The following ATAD2B variants were observed in gnomAD, a reference collection of about 807,000 sequenced individuals.
ATAD2B encodes ATPase family AAA domain containing 2B, also known as ATPase family AAA domain-containing protein 2B.
In ATAD2B, 40 loss-of-function variants were observed where a neutral mutation model predicts 167.6. That is an observed-to-expected ratio of 0.24 (90% CI 0.19 to 0.31). ATAD2B has a LOEUF of 0.31. ATAD2B is among the 10% of genes least tolerant of loss of function. The pLI is 1.00. For missense variants in ATAD2B, 1,242 were observed against 1,757.2 expected, an observed-to-expected ratio of 0.71 and a Z score of 5.24; for synonymous variants, 579 against 596.5, an observed-to-expected ratio of 0.97 and a Z score of 0.43.
intron 18 of ATAD2B, among the ~76,000 whole-genome samples, chr2:23,806,728 A>G (rs1572837512): frequency 2.0e-5 from 3 of 152,218 alleles, no homozygotes; most frequent in Non-Finnish European, 4.4e-5. Context: ...CAGCAATGGT[A>G]GTAGTAATAA....
At chr2:23,720,578 C>CA in the ATAD2B span, among the ~76,000 whole-genome samples, 35,515 of 126,592 alleles carry the variant, frequency 0.28, 5,758 homozygotes, top group Non-Finnish European at 0.35. Flanking sequence ...GACTCCGTCT[C>CA]AAAAAAAAAA....
chr2:23,789,451 T>C (rs1681322961), intron 19 of ATAD2B, among the ~76,000 whole-genome samples: 1 of 152,174 alleles, frequency 6.6e-6, no homozygotes. Context: ...TATTTTTCTA[T>C]ACCTATCCCA....
the ATAD2B span, among the ~76,000 whole-genome samples, chr2:23,742,868 CAAG>C: frequency 6.6e-6 from 1 of 151,960 alleles, no homozygotes; most frequent in African/African-American, 2.4e-5. Flanking sequence ...AAAATTCACT[CAAG>C]AAAATTTCTC....
chr2:23,802,651 T>A (rs189431675), intron 18 of ATAD2B, among the ~76,000 whole-genome samples: 1,593 of 149,624 alleles, frequency 0.011, 24 homozygotes, highest in African/African-American at 0.037. Flanking sequence ...AAAAAAAAAA[T>A]TTAAGAAGTG....
chr2:23,685,326 C>T, the ATAD2B span: 1 of 152,202 alleles, frequency 6.6e-6, no homozygotes, highest in Non-Finnish European at 1.5e-5. Flanking sequence ...CTTCCAGCTC[C>T]GTAGTAAGGG....
chr2:23,771,232 G>A (rs1426819988), intron 22 of ATAD2B, among the ~76,000 whole-genome samples: 3 of 152,020 alleles, frequency 2.0e-5, no homozygotes, highest in Admixed American at 6.6e-5. Flanking sequence ...GACATCATAC[G>A]TCTACAAACA....
At chr2:23,691,778 G>A in the ATAD2B span, 1 of 1,551,724 alleles carries the variant, frequency 6.4e-7, no homozygotes, top group Non-Finnish European at 8.7e-7. Flanking sequence ...GTCTACACGG[G>A]CTCCCTGGTC....
rs1680275991 is a variant in ATAD2B at position 23,782,980 on chromosome 2, C to T, written c.3022G>A (p.Val1008Ile). ...TTATGTTTATCAATTTTAGTTATTA[C>T]TGTTGATAAGTCCATTGGTTCCTTG... ...VIKEPMDLSTVITKIDKHNYL... is the reference protein window; with the variant it reads ...VIKEPMDLSTIITKIDKHNYL... Residue 1008 changes from valine (V) to isoleucine (I), a missense_variant, in exon 22 of 28, where the codon GTA becomes ATA. Coordinates refer to ENST00000238789, the MANE Select transcript of ATAD2B (RefSeq NM_017552.4). 3.2e-6 allele frequency: 5 copies of T among 1,580,364 alleles called. No individual in the cohort carries two copies. Among genetic ancestry groups the T allele is most frequent in the Non-Finnish European group, 4.3e-6 (5 of 1,150,962 alleles).
chr2:23,737,529 C>T, the ATAD2B span, among the ~76,000 whole-genome samples: 2 of 152,132 alleles, frequency 1.3e-5, no homozygotes, highest in African/African-American at 4.8e-5. Context: ...AGGACATCCA[C>T]ACCAAAAACC....
At chr2:23,883,065 C>T (rs1184045617) in intron 6 of ATAD2B, among the ~76,000 whole-genome samples, 2 of 151,562 alleles carry the variant, frequency 1.3e-5, no homozygotes, top group African/African-American at 2.4e-5. Flanking sequence ...TTTGAGCTCA[C>T]GAGATCAAGA....
At chr2:23,919,055 A>G (rs1381018118) in intron 1 of ATAD2B, among the ~76,000 whole-genome samples, 1 of 152,166 alleles carries the variant, frequency 6.6e-6, no homozygotes, top group East Asian at 1.9e-4. Context: ...AAAAAGAAAG[A>G]TTGTCGGCTA....
chr2:23,698,066 G>A, the ATAD2B span: 1 of 152,240 alleles, frequency 6.6e-6, no homozygotes, highest in African/African-American at 2.4e-5. Context: ...ACTAAGCAGT[G>A]AGACAAGCTC....
At chr2:23,728,132 T>A in the ATAD2B span, among the ~76,000 whole-genome samples, 12 of 152,088 alleles carry the variant, frequency 7.9e-5, no homozygotes, top group African/African-American at 2.9e-4. Context: ...ATGTTAATAA[T>A]AGGGGAAATA....
intron 23 of ATAD2B, among the ~76,000 whole-genome samples, chr2:23,764,173 C>T (rs922369476): frequency 2.0e-5 from 3 of 152,034 alleles, no homozygotes; most frequent in African/African-American, 7.3e-5. Flanking sequence ...TAGAAATTGC[C>T]AAACCATTTT....
intron 1 of ATAD2B, among the ~76,000 whole-genome samples, chr2:23,918,858 C>T (rs879144427): frequency 1.3e-5 from 2 of 152,206 alleles, no homozygotes; most frequent in African/African-American, 4.8e-5. Context: ...CTTCCACAGG[C>T]CACTTAACCT....
intron 25 of ATAD2B, among the ~76,000 whole-genome samples, chr2:23,756,363 A>G (rs567078604): frequency 1.4e-4 from 21 of 152,028 alleles, no homozygotes; most frequent in Non-Finnish European, 2.5e-4. Flanking sequence ...CTGCTTCCTA[A>G]CTCTGCTAAA....
intron 7 of ATAD2B, among the ~76,000 whole-genome samples, chr2:23,877,587 C>T (rs1306356828): frequency 2.8e-5 from 3 of 107,542 alleles, no homozygotes; most frequent in Non-Finnish European, 3.8e-5. Flanking sequence ...GAAGGAAGGG[C>T]GGGCCGGGCA....
intron 20 of ATAD2B, among the ~76,000 whole-genome samples, chr2:23,786,657 CTA>C (rs1680869954): frequency 6.6e-6 from 1 of 152,070 alleles, no homozygotes; most frequent in African/African-American, 2.4e-5. Flanking sequence ...CAGCGCATGA[CTA>C]TATGTGTGAA....
At chr2:23,822,109 G>A (rs1376907471) in intron 16 of ATAD2B, among the ~76,000 whole-genome samples, 1 of 152,210 alleles carries the variant, frequency 6.6e-6, no homozygotes, top group African/African-American at 2.4e-5. Flanking sequence ...ACTGCAGAGT[G>A]TCCTACCAAT....
Sources: gnomAD v4.1 joint callset for allele counts (sites outside exome capture counted in the v4.1 genomes callset) on GRCh38, gnomAD v4.1.1 for gene constraint, MANE v1.5 for transcripts, NCBI Gene and HGNC (gene_info 2026-07-23, HGNC 2026-07-21) for gene names.